TICRR: variants seen among roughly 807,000 people sequenced by gnomAD.
TICRR encodes treslin.
Under a neutral mutation model 178.1 loss-of-function variants are expected in TICRR, and 132 were observed. The observed-to-expected ratio is 0.74, with a 90% CI of 0.64 to 0.86. TICRR has a LOEUF of 0.86. TICRR is among the 40% of genes least tolerant of loss of function. The pLI is 0.00. For synonymous variants in TICRR, 991 were observed against 900.7 expected, an observed-to-expected ratio of 1.10 and a Z score of -1.79; for missense variants, 2,587 against 2,334.3, an observed-to-expected ratio of 1.11 and a Z score of -2.23.
intron 1 of TICRR, among the ~76,000 whole-genome samples, chr15:89,576,996 C>A (rs111237911): frequency 6.6e-6 from 1 of 151,534 alleles, no homozygotes; most frequent in Non-Finnish European, 1.5e-5. Context: ...CGGGTTCAAG[C>A]GATTCTCATG....
intron 1 of TICRR, among the ~76,000 whole-genome samples, chr15:89,581,596 A>G (rs1962726427): frequency 6.6e-6 from 1 of 152,206 alleles, no homozygotes; most frequent in African/African-American, 2.4e-5. Context: ...GCCTTAAAAT[A>G]TGGCATGTTC....
chr15:89,593,636 G>A (rs954483980), intron 5 of TICRR, among the ~76,000 whole-genome samples: 3 of 152,168 alleles, frequency 2.0e-5, no homozygotes, highest in Admixed American at 1.3e-4. Flanking sequence ...AATCCAGGAC[G>A]CGGAGGTTGC....
At chr15:89,577,459 G>A (rs1244154299) in intron 1 of TICRR, among the ~76,000 whole-genome samples, 1 of 152,086 alleles carries the variant, frequency 6.6e-6, no homozygotes, top group Non-Finnish European at 1.5e-5. Context: ...AGCTGCTGGG[G>A]ACATGGTAAC....
At chr15:89,594,767 T>C (rs544473430) in intron 6 of TICRR, among the ~76,000 whole-genome samples, 1 of 152,344 alleles carries the variant, frequency 6.6e-6, no homozygotes, top group African/African-American at 2.4e-5. Flanking sequence ...ATCTTCATTT[T>C]TAATTATGAT....
At position 89,624,381 on chromosome 15, in the gene TICRR, T is replaced by TC. The variant is rs771673546; in HGVS notation, c.4074dup (p.Ser1359LeufsTer5). ...TAGCTGCATCTCTCTCCTGCCCTGT[T>TC]CCCTCAACTCCCCCTGAACTCTCAC... On this transcript the variant is annotated frameshift_variant, in exon 20 of 22. Transcript: ENST00000268138. LOFTEE classifies it high-confidence loss of function. 1 of 1,613,974 alleles carries TC rather than the reference T, an allele frequency of 6.2e-7. No homozygotes were observed. The highest frequency in any genetic ancestry group is 1.3e-5 in the African/African-American group (1 of 74,920).
Position 89,626,984 on chromosome 15 carries a change from TGTA to T in TICRR, c.5633_5635del (p.Val1878del). 6.2e-7 allele frequency: 1 copy of T among 1,614,192 alleles called. No homozygotes were observed. The highest frequency in any genetic ancestry group is 8.5e-7 in the Non-Finnish European group (1 of 1,180,018). On this transcript the variant is annotated inframe_deletion, in exon 22 of 22. Coordinates refer to ENST00000268138, the MANE Select transcript of TICRR (RefSeq NM_152259.4). ...AGGATGTGGATGTTCTTCCCTCCAC[TGTA>T]GAAGACTCTCCTTTCAGTCGCGCTT...
At chr15:89,623,054 C>T (rs1213140858) in intron 19 of TICRR, among the ~76,000 whole-genome samples, 4 of 152,200 alleles carry the variant, frequency 2.6e-5, no homozygotes, top group Non-Finnish European at 5.9e-5. Flanking sequence ...ATTTCCTTAC[C>T]TGTTGGAGCT....
chr15:89,619,683 A>G, intron 17 of TICRR, 25 bp from the exon 18 acceptor site: 1 of 1,588,668 alleles, frequency 6.3e-7, no homozygotes, highest in Non-Finnish European at 8.5e-7. Context: ...GTCTTTGGTT[A>G]CTTACTGTGG....
intron 7 of TICRR, 76 bp from the exon 8 acceptor site, chr15:89,599,248 G>A: frequency 8.3e-7 from 1 of 1,211,572 alleles, no homozygotes; most frequent in Non-Finnish European, 1.1e-6. Context: ...TTTCCCCAGT[G>A]GACAACAACT....
At chr15:89,604,955 TA>T (rs1963152881) in intron 13 of TICRR, among the ~76,000 whole-genome samples, 1 of 152,148 alleles carries the variant, frequency 6.6e-6, no homozygotes. Flanking sequence ...GCAGTGAACT[TA>T]CAACTTAAGC....
chr15:89,579,630 A>AT (rs1246113507), intron 1 of TICRR: 4 of 150,864 alleles, frequency 2.7e-5, no homozygotes, highest in Admixed American at 2.0e-4. Flanking sequence ...ACAGGCTGTT[A>AT]TTTTTTTTTA....
At chr15:89,593,888 A>G (rs796926785) in intron 5 of TICRR, among the ~76,000 whole-genome samples, 1 of 152,218 alleles carries the variant, frequency 6.6e-6, no homozygotes, top group South Asian at 2.1e-4. Flanking sequence ...TGCCATTTTC[A>G]TAATTTCCTT....
chr15:89,579,394 G>C (rs911629105), intron 1 of TICRR, among the ~76,000 whole-genome samples: 3 of 152,148 alleles, frequency 2.0e-5, no homozygotes, highest in Non-Finnish European at 4.4e-5. Context: ...CGCCCAGGCT[G>C]GAGTGCAGTG....
At chr15:89,593,760 C>G (rs1692677048) in intron 5 of TICRR, among the ~76,000 whole-genome samples, 1 of 152,230 alleles carries the variant, frequency 6.6e-6, no homozygotes. Flanking sequence ...AGACCCAACA[C>G]ATATTCCACC....
Position 89,601,973 on chromosome 15 carries a change from G to A in TICRR, c.2564G>A (p.Arg855Lys). 6.2e-7 allele frequency: 1 copy of A among 1,614,076 alleles called. No individual in the cohort carries two copies. The highest frequency in any genetic ancestry group is 8.5e-7 in the Non-Finnish European group (1 of 1,179,990). ...QELRTRSAKK[R>K]RKNALIRHKS... is the part of the protein sequence containing the mutation. ...CTTCGTACCAGATCAGCCAAGAAGA[G>A]AAGGTAAGAGGTCAAAGAATCAAAG... The change falls in exon 12 of 22, where the codon AGA (arginine) becomes AAA (lysine). Residue 855 changes from arginine to lysine, a missense_variant. Arg to Lys is a conservative substitution (Grantham distance 26, BLOSUM62 2). Coordinates refer to ENST00000268138, the MANE Select transcript of TICRR (RefSeq NM_152259.4).
At chr15:89,590,303 T>C (rs1010763665) in intron 4 of TICRR, among the ~76,000 whole-genome samples, 32 of 152,222 alleles carry the variant, frequency 2.1e-4, no homozygotes, top group African/African-American at 7.0e-4. Context: ...GTATAAAATA[T>C]TAGCACATTA....
intron 13 of TICRR, among the ~76,000 whole-genome samples, chr15:89,605,363 CTTTTAT>C (rs879510488): frequency 6.6e-6 from 1 of 152,078 alleles, no homozygotes; most frequent in Non-Finnish European, 1.5e-5. Flanking sequence ...GGATGTATGA[CTTTTAT>C]TTTTATTTTT....
intron 13 of TICRR, among the ~76,000 whole-genome samples, chr15:89,605,638 G>A (rs944085127): frequency 1.3e-5 from 2 of 152,290 alleles, no homozygotes; most frequent in East Asian, 1.9e-4. Context: ...GATTACAGGC[G>A]TGAGCCTCTG....
chr15:89,589,113 G>A (rs973925132), intron 4 of TICRR, among the ~76,000 whole-genome samples: 11 of 152,114 alleles, frequency 7.2e-5, no homozygotes, highest in Non-Finnish European at 5.9e-5. Flanking sequence ...GGGCAGGGTG[G>A]GAGGATTTTA....
Sources: allele counts gnomAD v4.1 joint callset (sites outside exome capture counted in the v4.1 genomes callset), GRCh38; gene constraint gnomAD v4.1.1; transcripts MANE v1.5; gene names NCBI Gene and HGNC (gene_info 2026-07-23, HGNC 2026-07-21).